The following PFKFB3 variants were observed in gnomAD, a reference collection of about 807,000 sequenced individuals.
PFKFB3 encodes the protein 6-phosphofructo-2-kinase/fructose-2,6-bisphosphatase 3.
In PFKFB3, 33 loss-of-function variants were observed where a neutral mutation model predicts 68.0. The ratio of observed to expected loss-of-function variants is 0.49; its 90% CI spans 0.37 to 0.65. The LOEUF (loss-of-function observed/expected upper bound fraction) is 0.65. Among genes scored for constraint, PFKFB3 ranks in the 30% least tolerant of loss-of-function variants. The pLI, the probability that PFKFB3 is intolerant of heterozygous loss-of-function variation, is 0.00. For synonymous variants in PFKFB3, 315 were observed against 288.2 expected (o/e 1.09, Z -0.94); for missense variants, 586 against 712.2 (o/e 0.82, Z 2.02).
chr10:6,255,825 T>A (rs1846487303), downstream of PFKFB3, among the ~76,000 whole-genome samples: 1 of 152,200 alleles, frequency 6.6e-6, no homozygotes. Context: ...CCTCTTCAGT[T>A]CTTCAGCCTC....
At chr10:6,250,348 G>A (rs1459720664) in intron 14 of PFKFB3, among the ~76,000 whole-genome samples, 1 of 152,032 alleles carries the variant, frequency 6.6e-6, no homozygotes, top group African/African-American at 2.4e-5. Flanking sequence ...GGCAGATCAC[G>A]AGATCAGGCA....
At chr10:6,200,233 A>G (rs776419621), upstream of PFKFB3, among the ~76,000 whole-genome samples, 5 of 152,126 alleles carry the variant, frequency 3.3e-5, no homozygotes, top group Non-Finnish European at 7.3e-5. Flanking sequence ...GAAATCATCA[A>G]TCTGCGCTAG....
chr10:6,208,371 C>CTTTTTTTTTTTTTTTTT lies in PFKFB3; in HGVS notation c.76+5041_76+5057dup, dbSNP rs35447462. On this transcript the variant is annotated intron_variant, in intron 1 of 14. Coordinates refer to ENST00000379775, the MANE Select transcript of PFKFB3 (RefSeq NM_004566.4). ...ACAGGTGTAAGCCAGGGTACCTGGC[C>CTTTTTTTTTTTTTTTTT]TTTTTTTTTTTTTTTTTTTTTTGCC... Among the ~76,000 whole-genome samples the CTTTTTTTTTTTTTTTTT allele has an allele frequency of 8.4e-3, 511 of 60,606 alleles. 69 individuals are homozygous for CTTTTTTTTTTTTTTTTT. Among genetic ancestry groups the CTTTTTTTTTTTTTTTTT allele is most frequent in the Middle Eastern group, 0.029 (2 of 70 alleles). The allele number at this position is 60,606 out of a possible 152,430, so 39.8% of individuals were successfully genotyped here.
In PFKFB3 at chr10:6,222,838, CG is replaced by C; in HGVS notation, c.1084-15del. The C allele has an allele frequency of 6.2e-7, 1 of 1,607,234 alleles. No homozygotes were observed. The highest frequency in any genetic ancestry group is 8.5e-7 in the Non-Finnish European group (1 of 1,175,758). ...CGAGTGCCCTGAGCTCACGTGGGCCCGGCCCTCTGTGCTCAGTCCTACCAGG... is the reference window on the plus strand; with the variant it reads ...CGAGTGCCCTGAGCTCACGTGGGCCCGCCCTCTGTGCTCAGTCCTACCAGG... On this transcript the variant is annotated splice_polypyrimidine_tract_variant and intron_variant, in intron 10 of 14. Coordinates refer to ENST00000379775, the MANE Select transcript of PFKFB3 (RefSeq NM_004566.4).
intron 1 of PFKFB3, among the ~76,000 whole-genome samples, chr10:6,206,511 A>ACT (rs1843707575): frequency 7.7e-6 from 1 of 129,510 alleles, no homozygotes; most frequent in East Asian, 2.2e-4. Context: ...GGGGCTCCTC[A>ACT]CTTCCCAGTA....
At chr10:6,268,236 T>C in the PFKFB3 span, among the ~76,000 whole-genome samples, 1 of 152,192 alleles carries the variant, frequency 6.6e-6, no homozygotes, top group Non-Finnish European at 1.5e-5. Context: ...AGCATGTGTG[T>C]CTTATTTGTA....
intron 1 of PFKFB3, among the ~76,000 whole-genome samples, chr10:6,194,997 C>T (rs1048971141): frequency 1.3e-5 from 2 of 152,000 alleles, no homozygotes; most frequent in African/African-American, 2.4e-5. Flanking sequence ...CTTGGCCTCC[C>T]GAGTAGCTGG....
rs769392153 is a variant in PFKFB3, at chr10:6,216,210, G to A, written c.366+19G>A. On this transcript the variant is annotated intron_variant, in intron 4 of 14. Coordinates refer to ENST00000379775, the MANE Select transcript of PFKFB3 (RefSeq NM_004566.4). ...AATTGCGGTAAGTCCAGGCAATGTA[G>A]CCGGCTCGGTGTCCAGTCCCACCCA... 6.2e-7 allele frequency: 1 copy of A among 1,611,964 alleles called. No homozygotes were observed. The highest frequency in any genetic ancestry group is 8.5e-7 in the Non-Finnish European group (1 of 1,178,044).
chr10:6,174,819 A>AT (rs58730713), intron 1 of PFKFB3, among the ~76,000 whole-genome samples: 62 of 143,674 alleles, frequency 4.3e-4, no homozygotes, highest in East Asian at 3.2e-3. Context: ...TCTTTCTTTA[A>AT]TTTTTTTTTT....
intron 14 of PFKFB3, among the ~76,000 whole-genome samples, chr10:6,230,872 T>G (rs1215466481): frequency 6.6e-6 from 1 of 152,020 alleles, no homozygotes; most frequent in African/African-American, 2.4e-5. Context: ...CCCGCCACCA[T>G]GCCCGGCTAA....
chr10:6,219,795 ATTT>A (rs1452746477), intron 7 of PFKFB3, 102 bp downstream of exon 7: 1 of 1,218,246 alleles, frequency 8.2e-7, no homozygotes, highest in South Asian at 1.4e-5. Context: ...CTTTAAAAAA[ATTT>A]TTTTAAGACA....
At chr10:6,266,964 A>G in the PFKFB3 span, among the ~76,000 whole-genome samples, 2 of 152,364 alleles carry the variant, frequency 1.3e-5, no homozygotes, top group East Asian at 3.9e-4. Context: ...TTTGGGGACT[A>G]TGTGAAAGAA....
chr10:6,282,300 AAGAGACAGGATCATAAG>A, the PFKFB3 span, among the ~76,000 whole-genome samples: 9 of 152,180 alleles, frequency 5.9e-5, no homozygotes, highest in African/African-American at 1.9e-4. Context: ...TCAGATTCTC[AAGAGACAGGATCATAAG>A]AGCCTCTCCA....
At position 6,183,614 on chromosome 10, in the gene PFKFB3, A is replaced by T. The variant is rs377072070; in HGVS notation, c.17-30009A>T. Reference sequence around the variant, plus strand: ...GACCAGCCTGGTCAAAAAAAAAAAAAATATATATATATATATATGTATATA... The same window carrying T: ...GACCAGCCTGGTCAAAAAAAAAAAATATATATATATATATATATGTATATA... On this transcript the variant is annotated intron_variant, in intron 1 of 14. Coordinates refer to the PFKFB3 transcript ENST00000379789. Among the ~76,000 whole-genome samples the T allele has an allele frequency of 9.5e-3, 897 of 93,932 alleles. 7 individuals carry two copies. Among genetic ancestry groups the T allele is most frequent in the Middle Eastern group, 0.021 (4 of 194 alleles). 61.6% of individuals were successfully genotyped at this position (93,932 alleles called of 152,430 possible).
At chr10:6,311,735 C>T in the PFKFB3 span, among the ~76,000 whole-genome samples, 5 of 151,830 alleles carry the variant, frequency 3.3e-5, no homozygotes. Flanking sequence ...GGTGACAGAA[C>T]TAGACTCCGT....
chr10:6,281,176 T>TC, the PFKFB3 span, among the ~76,000 whole-genome samples: 8 of 129,198 alleles, frequency 6.2e-5, 1 homozygote, highest in Non-Finnish European at 1.4e-4. Flanking sequence ...CATATATATA[T>TC]ATATATACAC....
At chr10:6,208,899 G>A (rs1026655188) in intron 1 of PFKFB3, among the ~76,000 whole-genome samples, 1 of 152,128 alleles carries the variant, frequency 6.6e-6, no homozygotes, top group Non-Finnish European at 1.5e-5. Flanking sequence ...TTTTCTTTTG[G>A]CTTCCTGTGT....
rs1184833742 is a variant in PFKFB3 at position 6,206,584 on chromosome 10, A to AC, written c.76+3255dup. Among the ~76,000 whole-genome samples, 23 of 107,202 alleles carry AC rather than the reference A, an allele frequency of 2.1e-4. 1 individual carries two copies. The highest frequency in any genetic ancestry group is 2.1e-3 in the South Asian group (7 of 3,370). 70.3% of individuals were successfully genotyped at this position (107,202 alleles called of 152,430 possible). A position where few individuals can be genotyped will look rare whatever the true frequency, so the allele number is the denominator to read the frequency against. On this transcript the variant is annotated intron_variant, in intron 1 of 14. Coordinates refer to ENST00000379775, the MANE Select transcript of PFKFB3 (RefSeq NM_004566.4). ...GGGGCGGCTGGCCGGGCAGGGGCTG[A>AC]CCCCCCCACCTCCCTCCCGGACGGG...
chr10:6,317,240 G>T, the PFKFB3 span, among the ~76,000 whole-genome samples: 1 of 152,160 alleles, frequency 6.6e-6, no homozygotes, highest in Non-Finnish European at 1.5e-5. Flanking sequence ...TGCAATCTGG[G>T]CAGGACAACC....
Sources: gnomAD v4.1 joint callset for allele counts (sites outside exome capture counted in the v4.1 genomes callset) on GRCh38, gnomAD v4.1.1 for gene constraint, MANE v1.5 for transcripts, NCBI Gene and HGNC (gene_info 2026-07-23, HGNC 2026-07-21) for gene names.